Variants in TMEM9 observed in about 807,000 individuals in gnomAD.
TMEM9 encodes the protein transmembrane protein 9.
Under a neutral mutation model 22.8 loss-of-function variants are expected in TMEM9, and 13 were observed. The ratio of observed to expected loss-of-function variants is 0.57; its 90% CI spans 0.37 to 0.91. TMEM9 has a LOEUF of 0.91. Ranked by LOEUF, TMEM9 falls within the 40% of genes least tolerant of loss-of-function variation. TMEM9 has a pLI of 0.01. For missense variants in TMEM9, 182 were observed against 238.1 expected, an observed-to-expected ratio of 0.76 and a Z score of 1.55; for synonymous variants, 88 against 93.0, an observed-to-expected ratio of 0.95 and a Z score of 0.31.
intron 4 of TMEM9, among the ~76,000 whole-genome samples, chr1:201,142,417 A>T (rs1481578761): frequency 6.6e-6 from 1 of 151,976 alleles, no homozygotes; most frequent in Non-Finnish European, 1.5e-5. Flanking sequence ...CAGCCCACCT[A>T]CCCCATAGTT....
chr1:201,140,935 G>T (rs1664468308), intron 4 of TMEM9, among the ~76,000 whole-genome samples: 1 of 152,120 alleles, frequency 6.6e-6, no homozygotes, highest in Non-Finnish European at 1.5e-5. Flanking sequence ...ACTGAGAGGG[G>T]CAGTAGATTA....
In TMEM9 at chr1:201,153,845, T is replaced by TCA; in HGVS notation, c.66+11_66+12dup. On this transcript the variant is annotated intron_variant, in intron 1 of 4. Transcript: ENST00000367330. ...GTGGTCGTGACCAGGTGCTGCAGGCTCACCTCCCTCACCTTGTTGGCTTCA... is the reference window on the plus strand; with the variant it reads ...GTGGTCGTGACCAGGTGCTGCAGGCTCACACCTCCCTCACCTTGTTGGCTTCA... The TCA allele has an allele frequency of 6.2e-7, 1 of 1,614,110 alleles. No individual in the cohort carries two copies. The highest frequency in any genetic ancestry group is 8.5e-7 in the Non-Finnish European group (1 of 1,179,996).
upstream of TMEM9, among the ~76,000 whole-genome samples, chr1:201,159,151 T>C (rs1665879648): frequency 6.6e-6 from 1 of 152,184 alleles, no homozygotes; most frequent in Admixed American, 6.5e-5. Flanking sequence ...AAAGCTCAAG[T>C]GATAGAATAC....
At chr1:201,139,574 C>A (rs1026900737) in intron 4 of TMEM9, among the ~76,000 whole-genome samples, 1 of 149,252 alleles carries the variant, frequency 6.7e-6, no homozygotes, top group Non-Finnish European at 1.5e-5. Context: ...AGCCTCACCT[C>A]CCCCCTTACC....
intron 1 of TMEM9, among the ~76,000 whole-genome samples, chr1:201,164,224 TGAGC>T (rs1469341208): frequency 6.6e-6 from 1 of 152,230 alleles, no homozygotes; most frequent in Non-Finnish European, 1.5e-5. Flanking sequence ...CAGGTGTTAA[TGAGC>T]GGGTGGAGGT....
chr1:201,150,448 C>T lies in TMEM9; in HGVS notation c.158+1313G>A, dbSNP rs567521531. 8.5e-5 allele frequency among the ~76,000 whole-genome samples: 13 copies of T among 152,298 alleles called. No homozygotes were observed. The South Asian group carries it at 2.3e-3, about 27-fold the overall frequency. ...AGTGCTATAGTTACTGACCTGTGCA[C>T]ATACACGCACAACACACACACAAAC... is the stretch of plus-strand genomic sequence containing the variant. On this transcript the variant is annotated intron_variant, in intron 2 of 4. Coordinates refer to ENST00000367330, the MANE Select transcript of TMEM9 (RefSeq NM_001288565.2).
chr1:201,163,659 T>C (rs988407118), intron 1 of TMEM9, among the ~76,000 whole-genome samples: 1 of 152,058 alleles, frequency 6.6e-6, no homozygotes, highest in African/African-American at 2.4e-5. Flanking sequence ...TATCACTACA[T>C]ATCTATCAGA....
chr1:201,149,865 A>G (rs918386986), intron 2 of TMEM9, among the ~76,000 whole-genome samples: 1 of 152,198 alleles, frequency 6.6e-6, no homozygotes, highest in Non-Finnish European at 1.5e-5. Context: ...GATGACTCCC[A>G]GTCAAGGTCA....
rs141763103 is a variant in TMEM9 at position 201,138,638 on chromosome 1, A to C, written c.400-2823T>G. Among the ~76,000 whole-genome samples the C allele has an allele frequency of 9.9e-3, 1,506 of 152,366 alleles. 9 individuals are homozygous for C. The highest frequency in any genetic ancestry group is 0.024 in the South Asian group (115 of 4,832). On this transcript the variant is annotated intron_variant, in intron 4 of 4. Transcript: ENST00000367330. ...TTCCCAGGAGGTCCCCAGGGGGACC[A>C]GACCAGTGTGACTATGACAAGTGCC... is the stretch of plus-strand genomic sequence containing the variant.
upstream of TMEM9, among the ~76,000 whole-genome samples, chr1:201,155,482 C>A (rs1188894247): frequency 6.6e-6 from 1 of 152,230 alleles, no homozygotes; most frequent in African/African-American, 2.4e-5. Context: ...GTGTTCCTCT[C>A]TCCTATGCTT....
chr1:201,144,014 T>C, intron 3 of TMEM9, 63 bp from the exon 4 acceptor site: 3 of 1,587,698 alleles, frequency 1.9e-6, no homozygotes, highest in African/African-American at 2.7e-5. Flanking sequence ...AATCCGTTGC[T>C]AGTCTTGGGC....
rs552543810 is a variant in TMEM9, at chr1:201,166,513, C to A, written c.-37+4977G>T. Among the ~76,000 whole-genome samples, 17 of 152,122 alleles carry A rather than the reference C, an allele frequency of 1.1e-4. No homozygotes were observed. The South Asian group carries it at 3.5e-3, about 32-fold the overall frequency. On this transcript the variant is annotated intron_variant, in intron 1 of 5. Coordinates refer to the TMEM9 transcript ENST00000367333. Reference sequence around the variant, plus strand: ...GAGTAGCTGAAACTGCAGGCACCTGCCACCATGCCCGGCTAATTTTTGTGT... The same window carrying A: ...GAGTAGCTGAAACTGCAGGCACCTGACACCATGCCCGGCTAATTTTTGTGT...
At chr1:201,158,527 T>A (rs1665861822), upstream of TMEM9, among the ~76,000 whole-genome samples, 2 of 149,316 alleles carry the variant, frequency 1.3e-5, no homozygotes. Flanking sequence ...GAGTCAACAG[T>A]TCAGTTTGTC....
chr1:201,157,222 T>TA (rs1240455594), upstream of TMEM9, among the ~76,000 whole-genome samples: 1 of 152,158 alleles, frequency 6.6e-6, no homozygotes, highest in Non-Finnish European at 1.5e-5. Context: ...GCACCAGGTG[T>TA]GCCATCTGCA....
intron 4 of TMEM9, among the ~76,000 whole-genome samples, chr1:201,141,025 TC>T (rs1230786828): frequency 2.6e-5 from 4 of 152,168 alleles, no homozygotes; most frequent in African/African-American, 9.7e-5. Flanking sequence ...AATGCCCTGT[TC>T]ATCCTCCCTG....
chr1:201,163,297 A>AT (rs757909019), intron 1 of TMEM9, among the ~76,000 whole-genome samples: 2 of 152,048 alleles, frequency 1.3e-5, no homozygotes, highest in Non-Finnish European at 1.5e-5. Context: ...AAATAAAAAA[A>AT]TAAAAAACAA....
At chr1:201,146,586 TG>T (rs778353338) in intron 3 of TMEM9, 153 bp downstream of exon 3, 3 of 773,476 alleles carry the variant, frequency 3.9e-6, no homozygotes, top group Non-Finnish European at 6.8e-6. Flanking sequence ...GTGTGGGATG[TG>T]GGTCCCAGTG....
chr1:201,141,900 C>A (rs903107613), intron 4 of TMEM9, among the ~76,000 whole-genome samples: 1 of 152,142 alleles, frequency 6.6e-6, no homozygotes, highest in Admixed American at 6.5e-5. Context: ...GGAGACATAA[C>A]AAGGCCATGC....
At chr1:201,153,735 T>G in intron 1 of TMEM9, 123 bp downstream of exon 1, 3 of 1,556,360 alleles carry the variant, frequency 1.9e-6, no homozygotes, top group Non-Finnish European at 2.6e-6. Flanking sequence ...CTAAAAGAAG[T>G]ATGGCCCATA....
Sources: gnomAD v4.1 joint callset for allele counts (sites outside exome capture counted in the v4.1 genomes callset) on GRCh38, gnomAD v4.1.1 for gene constraint, MANE v1.5 for transcripts, NCBI Gene and HGNC (gene_info 2026-07-23, HGNC 2026-07-21) for gene names.